Variants in RAB3IP observed in about 807,000 individuals in gnomAD.
The protein encoded by RAB3IP is RAB3A interacting protein.
RAB3IP carries 36 observed loss-of-function variants against 59.1 expected under a neutral mutation model. The observed-to-expected ratio is 0.61, with a 90% CI of 0.47 to 0.80. RAB3IP has a LOEUF of 0.80. Among genes scored for constraint, RAB3IP ranks in the 30% least tolerant of loss-of-function variants. RAB3IP has a pLI of 0.00. For synonymous variants in RAB3IP, 207 were observed against 191.2 expected (o/e 1.08, Z -0.68); for missense variants, 511 against 536.0 (o/e 0.95, Z 0.46).
At chr12:69,756,764 C>T in intron 3 of RAB3IP, 101 bp downstream of exon 3, 1 of 968,140 alleles carries the variant, frequency 1.0e-6, no homozygotes, top group South Asian at 1.7e-5. Flanking sequence ...GATGGTTGTA[C>T]ATTTATCCGT....
chr12:69,768,826 A>G (rs1565889924), intron 3 of RAB3IP, among the ~76,000 whole-genome samples: 4 of 152,066 alleles, frequency 2.6e-5, no homozygotes, highest in African/African-American at 7.2e-5. Flanking sequence ...AGGTGCTCCA[A>G]TCTCTGTCCT....
chr12:69,779,826 T>C (rs1261700268), intron 3 of RAB3IP, among the ~76,000 whole-genome samples: 9 of 152,228 alleles, frequency 5.9e-5, no homozygotes, highest in Non-Finnish European at 1.3e-4. Flanking sequence ...ATCTCCATCT[T>C]TTTAGGGTCT....
chr12:69,761,781 AC>A (rs951433472), intron 3 of RAB3IP, among the ~76,000 whole-genome samples: 3 of 151,804 alleles, frequency 2.0e-5, no homozygotes, highest in Admixed American at 6.6e-5. Flanking sequence ...CTTATAAGTA[AC>A]CCCCAAATTT....
Position 69,820,553 on chromosome 12 carries a change from G to GA in RAB3IP, c.*5128dup, listed in dbSNP as rs34028619. ...TTTGAGTGGCTTCCCATTGCACTTA[G>GA]AAAAAAAAAAAAAAAAAAAAACTGG... On this transcript the variant is annotated 3_prime_UTR_variant, in exon 11 of 11. Coordinates refer to ENST00000247833, the MANE Select transcript of RAB3IP (RefSeq NM_022456.5). The GA allele has an allele frequency of 0.039, 3,889 of 99,334 alleles. 108 individuals are homozygous for GA. The highest frequency in any genetic ancestry group is 0.085 in the African/African-American group (2,447 of 28,710). The allele number at this position is 99,334 out of a possible 1,614,324, so 6.2% of individuals were successfully genotyped here.
intron 3 of RAB3IP, among the ~76,000 whole-genome samples, chr12:69,765,193 A>G (rs143526392): frequency 1.1e-3 from 163 of 152,236 alleles, no homozygotes; most frequent in African/African-American, 3.8e-3. Flanking sequence ...AGGAATGGTG[A>G]GAGTGGGCAT....
At chr12:69,769,579 A>G (rs1323526339) in intron 3 of RAB3IP, among the ~76,000 whole-genome samples, 1 of 152,176 alleles carries the variant, frequency 6.6e-6, no homozygotes, top group Non-Finnish European at 1.5e-5. Flanking sequence ...TTTATGCCTT[A>G]TCTTGTGACT....
At chr12:69,760,593 A>G (rs1871158232) in intron 3 of RAB3IP, among the ~76,000 whole-genome samples, 2 of 151,940 alleles carry the variant, frequency 1.3e-5, no homozygotes, top group South Asian at 2.1e-4. Flanking sequence ...TTTGTTGTGC[A>G]TGTTTGATGG....
chr12:69,765,997 C>G (rs1872137536), intron 3 of RAB3IP, among the ~76,000 whole-genome samples: 1 of 152,222 alleles, frequency 6.6e-6, no homozygotes, highest in Non-Finnish European at 1.5e-5. Context: ...TGTAAGGTTT[C>G]TGCTGAGAAG....
chr12:69,784,259 T>C (rs1322537901), intron 3 of RAB3IP, among the ~76,000 whole-genome samples: 1 of 152,110 alleles, frequency 6.6e-6, no homozygotes. Context: ...ATAGATATTT[T>C]AGGTTAGTTG....
At chr12:69,795,442 A>G (rs1309979724) in intron 6 of RAB3IP, 98 bp downstream of exon 6, 2 of 928,232 alleles carry the variant, frequency 2.2e-6, no homozygotes, top group Non-Finnish European at 3.5e-6. Flanking sequence ...AATTTTTAGT[A>G]CAAAATAATG....
chr12:69,751,910 G>C (rs868352026), intron 1 of RAB3IP, among the ~76,000 whole-genome samples: 11 of 151,696 alleles, frequency 7.3e-5, no homozygotes, highest in African/African-American at 2.2e-4. Context: ...TGTAAAGCAA[G>C]GTACTTACAG....
chr12:69,792,821 C>T (rs557285345), intron 4 of RAB3IP, among the ~76,000 whole-genome samples: 1 of 152,226 alleles, frequency 6.6e-6, no homozygotes, highest in East Asian at 1.9e-4. Flanking sequence ...TTCTCAGATA[C>T]CTTCAAACAT....
chr12:69,780,167 G>A (rs1012586723), intron 3 of RAB3IP, among the ~76,000 whole-genome samples: 4 of 152,144 alleles, frequency 2.6e-5, no homozygotes, highest in African/African-American at 9.7e-5. Flanking sequence ...CCAACGACCC[G>A]AACCTGGAAG....
At chr12:69,747,245 C>T (rs78362776) in intron 1 of RAB3IP, among the ~76,000 whole-genome samples, 1 of 151,844 alleles carries the variant, frequency 6.6e-6, no homozygotes, top group Non-Finnish European at 1.5e-5. Flanking sequence ...CTCTTTAATT[C>T]TCATGACTAC....
At chr12:69,792,043 G>GAAAT (rs1295281791) in intron 4 of RAB3IP, among the ~76,000 whole-genome samples, 2 of 152,142 alleles carry the variant, frequency 1.3e-5, no homozygotes, top group African/African-American at 4.8e-5. Context: ...TTTGCTAAGT[G>GAAAT]AAATAAGCAA....
At chr12:69,740,124 C>T (rs1449139338) in intron 1 of RAB3IP, among the ~76,000 whole-genome samples, 1 of 152,092 alleles carries the variant, frequency 6.6e-6, no homozygotes, top group Non-Finnish European at 1.5e-5. Context: ...AGACCCAGTT[C>T]TTGTTCATTA....
In RAB3IP at chr12:69,820,759, G is replaced by A. The variant is rs1190018612; in HGVS notation, c.*5313G>A. Reference sequence around the variant, plus strand: ...TGTAATCCCAGCTACTTGGGAGGCTGAGTCAGGAGAAACGCTCGAACCCAG... The same window carrying A: ...TGTAATCCCAGCTACTTGGGAGGCTAAGTCAGGAGAAACGCTCGAACCCAG... On this transcript the variant is annotated 3_prime_UTR_variant, in exon 11 of 11. Transcript: ENST00000247833. 3 of 150,146 alleles carry A rather than the reference G, an allele frequency of 2.0e-5. No homozygotes were observed. The highest frequency in any genetic ancestry group is 4.4e-5 in the Non-Finnish European group (3 of 67,740). 9.3% of individuals were successfully genotyped at this position (150,146 alleles called of 1,614,324 possible). A position where few individuals can be genotyped will look rare whatever the true frequency, so the allele number is the denominator to read the frequency against.
Position 69,820,567 on chromosome 12 carries a change from A to AAAT in RAB3IP, c.*5123_*5124insTAA, listed in dbSNP as rs1316563794. 6.6e-6 allele frequency: 1 copy of AAAT among 151,988 alleles called. No individual in the cohort carries two copies. The highest frequency in any genetic ancestry group is 2.1e-4 in the South Asian group (1 of 4,806). The allele number at this position is 151,988 out of a possible 1,614,324, so 9.4% of individuals were successfully genotyped here. A position where few individuals can be genotyped will look rare whatever the true frequency, so the allele number is the denominator to read the frequency against. On this transcript the variant is annotated 3_prime_UTR_variant, in exon 11 of 11. Coordinates refer to ENST00000247833, the MANE Select transcript of RAB3IP (RefSeq NM_022456.5). Reference sequence around the variant, plus strand: ...CATTGCACTTAGAAAAAAAAAAAAAAAAAAAAACTGGCCAGGTGCGATGGC... The same window carrying AAAT: ...CATTGCACTTAGAAAAAAAAAAAAAAAATAAAAAAACTGGCCAGGTGCGATGGC...
rs189669610 is a variant in RAB3IP, at chr12:69,785,059, A to G, written c.606+244A>G. On this transcript the variant is annotated intron_variant, in intron 4 of 10. Coordinates refer to ENST00000247833, the MANE Select transcript of RAB3IP (RefSeq NM_022456.5). ...AAAAATGTATGTGTGCAAAGAAAGG[A>G]GGCAAATTTTAGTATTGATTTTTAT... is the stretch of plus-strand genomic sequence containing the variant. 535 of 254,984 alleles carry G rather than the reference A, an allele frequency of 2.1e-3. 3 individuals are homozygous for G. The highest frequency in any genetic ancestry group is 2.8e-3 in the Non-Finnish European group (374 of 133,888). 15.8% of individuals were successfully genotyped at this position (254,984 alleles called of 1,614,324 possible). A position where few individuals can be genotyped will look rare whatever the true frequency, so the allele number is the denominator to read the frequency against.
Sources: gnomAD v4.1 joint callset for allele counts (sites outside exome capture counted in the v4.1 genomes callset) on GRCh38, gnomAD v4.1.1 for gene constraint, MANE v1.5 for transcripts, NCBI Gene and HGNC (gene_info 2026-07-23, HGNC 2026-07-21) for gene names.